Variants in TMPRSS5 observed in about 807,000 individuals in gnomAD.
TMPRSS5 encodes the protein transmembrane serine protease 5, also known as transmembrane protease serine 5.
In TMPRSS5, 45 loss-of-function variants were observed where a neutral mutation model predicts 59.7. The ratio of observed to expected loss-of-function variants is 0.75; its 90% CI spans 0.59 to 0.97. The LOEUF (loss-of-function observed/expected upper bound fraction) is 0.97, where lower values mean the gene tolerates loss of function less well. Ranked by LOEUF, TMPRSS5 falls within the 50% of genes least tolerant of loss-of-function variation. The pLI, the probability that TMPRSS5 is intolerant of heterozygous loss-of-function variation, is 0.00. For missense variants in TMPRSS5, 585 were observed against 596.7 expected, an observed-to-expected ratio of 0.98 and a Z score of 0.20; for synonymous variants, 225 against 232.0, an observed-to-expected ratio of 0.97 and a Z score of 0.27.
chr11:113,706,184 G>A (rs1953287322), intron 1 of TMPRSS5, 38 bp downstream of exon 1: 1 of 1,588,954 alleles, frequency 6.3e-7, no homozygotes, highest in East Asian at 2.3e-5. Flanking sequence ...GAAAGAGAGA[G>A]AGGCCACAGC....
chr11:113,705,876 C>A (rs757149275), intron 1 of TMPRSS5, among the ~76,000 whole-genome samples: 4 of 152,176 alleles, frequency 2.6e-5, no homozygotes, highest in Non-Finnish European at 4.4e-5. Context: ...CAAAATTCAA[C>A]TGCCCAAGCT....
intron 1 of TMPRSS5, among the ~76,000 whole-genome samples, chr11:113,700,649 T>C (rs1053732615): frequency 6.6e-6 from 1 of 152,288 alleles, no homozygotes; most frequent in African/African-American, 2.4e-5. Context: ...GGGGACACTA[T>C]AGGGAGTTCA....
At chr11:113,699,276 T>TCCCCCCC (rs1555025732) in intron 3 of TMPRSS5, among the ~76,000 whole-genome samples, 2 of 92,978 alleles carry the variant, frequency 2.2e-5, no homozygotes, top group Admixed American at 1.3e-4. Flanking sequence ...TCTCTCCCTC[T>TCCCCCCC]CTCTCTCTCT....
At chr11:113,692,907 G>A (rs1266699225) in intron 9 of TMPRSS5, among the ~76,000 whole-genome samples, 164 bp downstream of exon 9, 30 of 152,114 alleles carry the variant, frequency 2.0e-4, no homozygotes. Context: ...AACAATTTCA[G>A]AACCAGATGA....
intron 9 of TMPRSS5, 57 bp downstream of exon 9, chr11:113,693,013 GC>G (rs1952825030): frequency 1.1e-6 from 1 of 888,206 alleles, no homozygotes. Flanking sequence ...CTCCCACCCA[GC>G]CCCCGCCCTC....
rs779939238 is a variant in TMPRSS5, at chr11:113,690,827, G to A, written c.1063+14C>T. The A allele has an allele frequency of 6.4e-7, 1 of 1,572,180 alleles. No homozygotes were observed. The highest frequency in any genetic ancestry group is 8.6e-7 in the Non-Finnish European group (1 of 1,158,778). On this transcript the variant is annotated intron_variant, in intron 10 of 12. Transcript: ENST00000299882. ...CACCCGCCCCTGCACCGAGGGCCCA[G>A]GGAGCTGACTCACTATGGCTAGGGT...
Position 113,706,261 on chromosome 11 carries a change from A to C in TMPRSS5, c.-37T>G. 1 of 1,597,974 alleles carries C rather than the reference A, an allele frequency of 6.3e-7. No homozygotes were observed. The highest frequency in any genetic ancestry group is 8.5e-7 in the Non-Finnish European group (1 of 1,172,478). On this transcript the variant is annotated 5_prime_UTR_variant, in exon 1 of 13. Coordinates refer to ENST00000299882, the MANE Select transcript of TMPRSS5 (RefSeq NM_030770.4). ...GCACTGTTGTAAAGCCTCAGGGTCT[A>C]CTAGGCAATGTTCCGCTCCTGTTCT...
chr11:113,689,641 G>T, intron 12 of TMPRSS5, 124 bp downstream of exon 12: 1 of 994,554 alleles, frequency 1.0e-6, no homozygotes, highest in Non-Finnish European at 1.4e-6. Flanking sequence ...CACTCACTCT[G>T]GGGAATATGT....
intron 1 of TMPRSS5, among the ~76,000 whole-genome samples, chr11:113,705,937 G>C (rs895393132): frequency 1.3e-5 from 2 of 152,218 alleles, no homozygotes; most frequent in Non-Finnish European, 2.9e-5. Context: ...AGGACTCCTT[G>C]CTCCTCTTTT....
chr11:113,703,174 A>AG (rs1202541830), intron 1 of TMPRSS5, among the ~76,000 whole-genome samples: 1 of 152,276 alleles, frequency 6.6e-6, no homozygotes, highest in Non-Finnish European at 1.5e-5. Flanking sequence ...ACAAGGGCAG[A>AG]GCTGCCCAAG....
At chr11:113,704,601 T>C (rs1156958312) in intron 1 of TMPRSS5, among the ~76,000 whole-genome samples, 1 of 152,172 alleles carries the variant, frequency 6.6e-6, no homozygotes, top group Non-Finnish European at 1.5e-5. Context: ...GTGCCATACT[T>C]CAGTGCCTTC....
Position 113,690,238 on chromosome 11 carries a change from G to A in TMPRSS5, c.1199C>T (p.Ala400Val), listed in dbSNP as rs1314241939. The change falls in exon 11 of 13, where the codon GCA becomes GTA. Residue 400 changes from alanine (A) to valine (V), a missense_variant. Coordinates refer to ENST00000299882, the MANE Select transcript of TMPRSS5 (RefSeq NM_030770.4). ...AGCCACCACAGGCCACACCTGGCATGCATCAGCCCTTCCGTCCAGGTAGCC... is the reference window on the plus strand; with the variant it reads ...AGCCACCACAGGCCACACCTGGCATACATCAGCCCTTCCGTCCAGGTAGCC... ...CAGYLDGRAD[A>V]CQGDSGGPLV... is the part of the protein sequence containing the mutation. The A allele has an allele frequency of 6.7e-7, 1 of 1,497,770 alleles. No homozygotes were observed. Among genetic ancestry groups the A allele is most frequent in the East Asian group, 2.7e-5 (1 of 36,852 alleles). 92.8% of individuals were successfully genotyped at this position (1,497,770 alleles called of 1,614,324 possible). A position where few individuals can be genotyped will look rare whatever the true frequency, so the allele number is the denominator to read the frequency against.
At position 113,695,575 on chromosome 11, in the gene TMPRSS5, C is replaced by A. The variant is rs986765270; in HGVS notation, c.579-132G>T. 2.0e-5 allele frequency: 17 copies of A among 839,752 alleles called. No homozygotes were observed. The East Asian group carries it at 3.4e-4, about 17-fold the overall frequency. 52.0% of individuals were successfully genotyped at this position (839,752 alleles called of 1,614,324 possible). A position where few individuals can be genotyped will look rare whatever the true frequency, so the allele number is the denominator to read the frequency against. On this transcript the variant is annotated intron_variant, in intron 6 of 12. Transcript: ENST00000299882. ...CTTAAGGCTGTCATGTAGCCACAGC[C>A]TGAAGAATACCACCATTTCCTTCCT...
Position 113,700,135 on chromosome 11 carries a change from C to G in TMPRSS5, c.37G>C (p.Ala13Pro). Reference sequence around the variant, plus strand: ...CCTGGGCCCTCCTCTGCATACTGGGCCTCCATAGGGGGTTGGTCATCCAGC... The same window carrying G: ...CCTGGGCCCTCCTCTGCATACTGGGGCTCCATAGGGGGTTGGTCATCCAGC... The part of the protein sequence containing the change: ...LMLDDQPPME[A>P]QYAEEGPGPG... The change falls in exon 2 of 13, where the codon GCC becomes CCC. Residue 13 changes from alanine (A) to proline (P), a missense_variant. Ala to Pro is a conservative substitution (Grantham distance 27). Transcript: ENST00000299882. 1 of 1,580,458 alleles carries G rather than the reference C, an allele frequency of 6.3e-7. No individual in the cohort carries two copies.
Position 113,690,275 on chromosome 11 carries a change from T to C in TMPRSS5, c.1162A>G (p.Met388Val), listed in dbSNP as rs531097927. The change falls in exon 11 of 13, where the codon ATG becomes GTG. Residue 388 changes from methionine to valine, a missense_variant. Physicochemically the swap from Met to Val is conservative, Grantham distance 21. Transcript: ENST00000299882. ...CCGTCCAGGTAGCCAGCGCAAAGCATGCGGGGGGTGAGGGCTCCGCTGTAC... is the reference window on the plus strand; with the variant it reads ...CCGTCCAGGTAGCCAGCGCAAAGCACGCGGGGGGTGAGGGCTCCGCTGTAC... ...CVYSGALTPR[M>V]LCAGYLDGRA... 2.1e-5 allele frequency: 33 copies of C among 1,554,246 alleles called. No individual in the cohort carries two copies. The East Asian group carries it at 3.7e-4, about 17-fold the overall frequency.
intron 3 of TMPRSS5, among the ~76,000 whole-genome samples, chr11:113,699,241 C>T (rs935586247): frequency 1.3e-5 from 1 of 75,794 alleles, no homozygotes; most frequent in Non-Finnish European, 2.4e-5. Flanking sequence ...CTCTCTCTCT[C>T]TCTCTCTCTC....
chr11:113,699,262 T>TCTCTCTCCCCC (rs1953041045), intron 3 of TMPRSS5, among the ~76,000 whole-genome samples: 17 of 93,234 alleles, frequency 1.8e-4, no homozygotes, highest in African/African-American at 5.5e-4. Flanking sequence ...TCTCTCTCTC[T>TCTCTCTCCCCC]CTCTCTCTCC....
chr11:113,690,121 C>A lies in TMPRSS5; in HGVS notation c.1206+110G>T, dbSNP rs1226561067. ...GCCCCTCCTTCTAGAGAGGCTGTCT[C>A]ACACCACTGACAAGCTCAGACCAGG... On this transcript the variant is annotated intron_variant, in intron 11 of 12. Coordinates refer to ENST00000299882, the MANE Select transcript of TMPRSS5 (RefSeq NM_030770.4). 3.5e-6 allele frequency: 5 copies of A among 1,427,798 alleles called. No homozygotes were observed. The Admixed American group carries it at 8.2e-5, about 23-fold the overall frequency. The allele number at this position is 1,427,798 out of a possible 1,614,324, so 88.4% of individuals were successfully genotyped here. A position where few individuals can be genotyped will look rare whatever the true frequency, so the allele number is the denominator to read the frequency against.
rs749110441 is a variant in TMPRSS5, at chr11:113,690,278, G to A, written c.1159C>T (p.Arg387Cys). 7.5e-5 allele frequency: 118 copies of A among 1,570,004 alleles called. No homozygotes were observed. The highest frequency in any genetic ancestry group is 2.1e-4 in the East Asian group (9 of 42,054). The change falls in exon 11 of 13, where the codon CGC (arginine) becomes TGC (cysteine). Residue 387 changes from arginine (R) to cysteine (C), a missense_variant. Arg to Cys is a radical substitution (Grantham distance 180, BLOSUM62 -3). Coordinates refer to ENST00000299882, the MANE Select transcript of TMPRSS5 (RefSeq NM_030770.4). ...SCVYSGALTP[R>C]MLCAGYLDGR... ...TCCAGGTAGCCAGCGCAAAGCATGC[G>A]GGGGGTGAGGGCTCCGCTGTACACG...
Sources: allele counts gnomAD v4.1 joint callset (sites outside exome capture counted in the v4.1 genomes callset), GRCh38; gene constraint gnomAD v4.1.1; transcripts MANE v1.5; gene names NCBI Gene and HGNC (gene_info 2026-07-23, HGNC 2026-07-21).